Variants in MCM10 observed in about 807,000 individuals in gnomAD.
MCM10 encodes minichromosome maintenance 10 replication initiation factor, also known as protein MCM10 homolog.
MCM10 carries 91 observed loss-of-function variants against 109.9 expected under a neutral mutation model. The observed-to-expected ratio is 0.83, with a 90% confidence interval of 0.70 to 0.99. MCM10 has a LOEUF of 0.99. Among genes scored for constraint, MCM10 ranks in the 50% least tolerant of loss-of-function variants. The probability of loss-of-function intolerance (pLI) is 0.00; values close to 1 mark genes in which losing one functional copy is unlikely to be tolerated. For synonymous variants in MCM10, 380 were observed against 387.2 expected, an observed-to-expected ratio of 0.98 and a Z score of 0.22; for missense variants, 1,077 against 1,061.2, an observed-to-expected ratio of 1.01 and a Z score of -0.21.
rs763805044 is a variant in MCM10, at chr10:13,201,480, A to G, written c.2298A>G (p.Glu766=). The change falls in exon 17 of 20, where the codon GAA becomes GAG. Residue 766 remains glutamate, a synonymous_variant. Transcript: ENST00000378714. ...CACTGGTGAAAAAAGAACAAATGGA[A>G]GAAAAGATGAGAAACATCAGAGAAG... ...FEPLVKKEQM[E]EKMRNIREVK... is the part of the protein sequence containing the mutation. 1.2e-6 allele frequency: 2 copies of G among 1,613,130 alleles called. No individual in the cohort carries two copies. The highest frequency in any genetic ancestry group is 3.3e-5 in the Admixed American group (2 of 59,924).
intron 10 of MCM10, 92 bp from the exon 11 acceptor site, chr10:13,191,207 G>A (rs1234342448): frequency 1.1e-5 from 9 of 825,558 alleles, no homozygotes; most frequent in Non-Finnish European, 1.7e-5. Context: ...TTGACGGTGT[G>A]TGTAATAAAT....
In MCM10 at chr10:13,184,176, A is replaced by G. The variant is rs568916519; in HGVS notation, c.1098+1076A>G. Among the ~76,000 whole-genome samples, 13 of 152,122 alleles carry G rather than the reference A, an allele frequency of 8.5e-5. No individual in the cohort carries two copies. The East Asian group carries it at 2.5e-3, about 29-fold the overall frequency. ...CCCAGCCTATTTTTGTGTTTTTTGTAGAGACAGGGTTTCACTATGTTGCCC... is the reference window on the plus strand; with the variant it reads ...CCCAGCCTATTTTTGTGTTTTTTGTGGAGACAGGGTTTCACTATGTTGCCC... On this transcript the variant is annotated intron_variant, in intron 8 of 19. Transcript: ENST00000378714.
chr10:13,194,947 G>A (rs1247212628), intron 13 of MCM10, 94 bp from the exon 14 acceptor site: 4 of 1,111,642 alleles, frequency 3.6e-6, no homozygotes, highest in Non-Finnish European at 5.2e-6. Flanking sequence ...CTCCCAACTG[G>A]TGGCCTGCCT....
At chr10:13,170,038 C>T (rs1030912026) in intron 2 of MCM10, among the ~76,000 whole-genome samples, 1 of 152,192 alleles carries the variant, frequency 6.6e-6, no homozygotes, top group African/African-American at 2.4e-5. Flanking sequence ...GTTAATCTTA[C>T]AAGCAATGTT....
At chr10:13,200,126 G>A in intron 16 of MCM10, among the ~76,000 whole-genome samples, 1 of 152,024 alleles carries the variant, frequency 6.6e-6, no homozygotes, top group East Asian at 1.9e-4. Context: ...ACCATGACTG[G>A]CTAATTTTTT....
At chr10:13,173,615 G>A (rs1010106924) in intron 5 of MCM10, among the ~76,000 whole-genome samples, 1 of 152,172 alleles carries the variant, frequency 6.6e-6, no homozygotes, top group Admixed American at 6.5e-5. Flanking sequence ...TTGGCTGCAC[G>A]TGTTTGGAAA....
At position 13,180,589 on chromosome 10, in the gene MCM10, G is replaced by T; in HGVS notation, c.912G>T (p.Thr304=). ...TTGGGGTTATATTGAAGAAGGTTAC[G>T]CCACAGAGTGTGAATAGTGTAAGCC... is the stretch of plus-strand genomic sequence containing the variant. ...VTFGVILKKV[T]PQSVNSGKTF... is the part of the protein sequence containing the mutation. Residue 304 remains threonine, a synonymous_variant, in exon 7 of 20, where the codon ACG becomes ACT. Coordinates refer to ENST00000378714, the MANE Select transcript of MCM10 (RefSeq NM_018518.5). The T allele has an allele frequency of 6.2e-7, 1 of 1,614,118 alleles. No individual in the cohort carries two copies.
intron 1 of MCM10, among the ~76,000 whole-genome samples, chr10:13,162,173 T>TCC (rs1388492143): frequency 6.6e-6 from 1 of 152,078 alleles, no homozygotes; most frequent in Non-Finnish European, 1.5e-5. Context: ...CTTAGTGTGT[T>TCC]CCAGAAGGTG....
At chr10:13,197,346 C>T (rs1834435086) in intron 14 of MCM10, among the ~76,000 whole-genome samples, 2 of 152,282 alleles carry the variant, frequency 1.3e-5, no homozygotes, top group South Asian at 4.1e-4. Context: ...GGTGATGTGG[C>T]TCCTTTATGG....
chr10:13,162,697 G>A (rs1203548486), intron 1 of MCM10, among the ~76,000 whole-genome samples: 1 of 152,156 alleles, frequency 6.6e-6, no homozygotes, highest in African/African-American at 2.4e-5. Flanking sequence ...TGCTCCTAAC[G>A]CTCAGGAAGC....
At position 13,171,113 on chromosome 10, in the gene MCM10, A is replaced by C; in HGVS notation, c.199A>C (p.Thr67Pro). The C allele has an allele frequency of 3.1e-6, 5 of 1,614,230 alleles. No homozygotes were observed. The highest frequency in any genetic ancestry group is 3.4e-6 in the Non-Finnish European group (4 of 1,180,046). ...EEADDGETGE[T>P]RDEKENLATL... ...GGCTGATGATGGAGAAACAGGAGAG[A>C]CAAGAGACGAAAAGGAAAATCTGGC... Residue 67 changes from threonine (T) to proline (P), a missense_variant, in exon 3 of 20, where the codon ACA (threonine) becomes CCA (proline). By Grantham distance (38) the Thr-to-Pro change is conservative. Transcript: ENST00000378714.
At chr10:13,192,410 A>G (rs1834359726) in intron 12 of MCM10, 41 bp from the exon 13 acceptor site, 1 of 1,611,814 alleles carries the variant, frequency 6.2e-7, no homozygotes, top group Admixed American at 1.7e-5. Flanking sequence ...GTGTTCCCTC[A>G]GCCTCCCAGG....
intron 14 of MCM10, chr10:13,195,640 T>G (rs1445578716): frequency 6.6e-6 from 1 of 152,630 alleles, no homozygotes; most frequent in African/African-American, 2.4e-5. Flanking sequence ...AGAAGGAGTC[T>G]CACTCTGTCA....
intron 9 of MCM10, 82 bp downstream of exon 9, chr10:13,186,362 A>C: frequency 2.2e-6 from 2 of 910,680 alleles, no homozygotes; most frequent in South Asian, 2.9e-5. Context: ...AGCTGTGATG[A>C]CCAGTTTGGA....
intron 9 of MCM10, among the ~76,000 whole-genome samples, chr10:13,187,058 A>G (rs1834284613): frequency 1.3e-5 from 2 of 152,230 alleles, no homozygotes; most frequent in South Asian, 4.1e-4. Context: ...AGAGCTGTGC[A>G]ACCATCACCA....
intron 10 of MCM10, 112 bp from the exon 11 acceptor site, chr10:13,191,187 T>C: frequency 1.4e-6 from 1 of 709,610 alleles, no homozygotes; most frequent in South Asian, 1.7e-5. Context: ...AGATGGTGTT[T>C]TGAGAAACTT....
Position 13,198,669 on chromosome 10 carries a change from G to A in MCM10, c.2120-20G>A, listed in dbSNP as rs753786934. ...CTGAAATTTCTTGGTCGCTGCTAAT[G>A]TTTGTTCCTTGTGCCCTAGCTGAGG... is the stretch of plus-strand genomic sequence containing the variant. On this transcript the variant is annotated intron_variant, in intron 15 of 19. Transcript: ENST00000378714. 4 of 1,541,580 alleles carry A rather than the reference G, an allele frequency of 2.6e-6. No homozygotes were observed. Among genetic ancestry groups the A allele is most frequent in the Non-Finnish European group, 3.6e-6 (4 of 1,114,580 alleles).
At chr10:13,203,914 C>T (rs939794444) in intron 17 of MCM10, among the ~76,000 whole-genome samples, 9 of 152,304 alleles carry the variant, frequency 5.9e-5, no homozygotes, top group South Asian at 2.1e-4. Flanking sequence ...GTTTACAGTA[C>T]GTTTCCTCTC....
chr10:13,196,039 T>C (rs2131583026), intron 14 of MCM10, among the ~76,000 whole-genome samples: 2 of 152,114 alleles, frequency 1.3e-5, no homozygotes, highest in Admixed American at 1.3e-4. Context: ...AAGTAGTAGC[T>C]GGGACTGCAG....
Sources: allele counts gnomAD v4.1 joint callset (sites outside exome capture counted in the v4.1 genomes callset), GRCh38; gene constraint gnomAD v4.1.1; transcripts MANE v1.5; gene names NCBI Gene and HGNC (gene_info 2026-07-23, HGNC 2026-07-21).